The following TMX2 variants were observed in gnomAD, a reference collection of about 807,000 sequenced individuals.
TMX2 encodes the protein thioredoxin related transmembrane protein 2.
A neutral mutation model predicts 33.4 loss-of-function variants in TMX2; 20 were observed. The ratio of observed to expected loss-of-function variants is 0.60; its 90% CI spans 0.42 to 0.87. The LOEUF is 0.87. TMX2 is among the 40% of genes least tolerant of loss of function. The pLI is 0.00. For missense variants in TMX2, 340 were observed against 370.7 expected (o/e 0.92, Z 0.68); for synonymous variants, 166 against 140.7 (o/e 1.18, Z -1.27).
Position 57,731,142 on chromosome 11 carries a change from T to G in TMX2, c.190-6466T>G, listed in dbSNP as rs1253823460. 2.7e-4 allele frequency among the ~76,000 whole-genome samples: 38 copies of G among 140,946 alleles called. No homozygotes were observed. In the South Asian group the frequency reaches 4.4e-3, roughly 16 times the overall value. 92.5% of individuals were successfully genotyped at this position (140,946 alleles called of 152,430 possible). A position where few individuals can be genotyped will look rare whatever the true frequency, so the allele number is the denominator to read the frequency against. ...TGTTTTTTGTTTTTTTTTTTTTTTT[T>G]TTTTTTTTTTTGAGATCCAGTTTCA... On this transcript the variant is annotated intron_variant, in intron 1 of 7. Transcript: ENST00000278422.
chr11:57,738,184 T>C (rs1460041834), intron 3 of TMX2, 158 bp downstream of exon 3: 2 of 737,954 alleles, frequency 2.7e-6, no homozygotes, highest in East Asian at 2.5e-5. Context: ...GTAGCTCAGA[T>C]GATAACAGTT....
At chr11:57,738,257 G>A (rs112451175) in intron 3 of TMX2, 97 bp from the exon 4 acceptor site, 1 of 905,018 alleles carries the variant, frequency 1.1e-6, no homozygotes, top group Non-Finnish European at 1.8e-6. Flanking sequence ...CCACAAGTGT[G>A]TATTATTTGG....
intron 1 of TMX2, among the ~76,000 whole-genome samples, chr11:57,716,325 C>T (rs1336777129): frequency 1.5e-5 from 2 of 133,464 alleles, no homozygotes; most frequent in South Asian, 2.5e-4. Context: ...CCGGACGGGG[C>T]GGCTGGCCGG....
chr11:57,739,991 T>A (rs1474903332), intron 7 of TMX2, 108 bp from the exon 8 acceptor site: 5 of 1,517,126 alleles, frequency 3.3e-6, no homozygotes, highest in Non-Finnish European at 4.5e-6. Flanking sequence ...TTTTTGTCCT[T>A]TGCTTACTCC....
intron 1 of TMX2, among the ~76,000 whole-genome samples, chr11:57,729,220 G>A (rs1339537132): frequency 6.6e-5 from 10 of 152,122 alleles, no homozygotes; most frequent in Non-Finnish European, 4.4e-5. Flanking sequence ...ACCTCTACTT[G>A]CCAGAATTGA....
At chr11:57,719,030 TA>T (rs751837704) in intron 1 of TMX2, among the ~76,000 whole-genome samples, 2,173 of 109,466 alleles carry the variant, frequency 0.02, 51 homozygotes, top group African/African-American at 0.025. Context: ...CATATATATA[TA>T]TATTTTTTTT....
chr11:57,714,264 A>G (rs1206698449), intron 1 of TMX2, among the ~76,000 whole-genome samples: 1 of 152,250 alleles, frequency 6.6e-6, no homozygotes, highest in East Asian at 1.9e-4. Flanking sequence ...CAGTTCAATT[A>G]AATTGTTGTG....
intron 1 of TMX2, among the ~76,000 whole-genome samples, chr11:57,729,322 TG>T (rs1948204929): frequency 6.6e-6 from 1 of 152,160 alleles, no homozygotes; most frequent in Non-Finnish European, 1.5e-5. Context: ...TTCTAGGTTC[TG>T]TTTTTTTTTC....
intron 1 of TMX2, among the ~76,000 whole-genome samples, chr11:57,726,134 C>T (rs1947963576): frequency 1.3e-5 from 2 of 152,018 alleles, no homozygotes; most frequent in South Asian, 2.1e-4. Flanking sequence ...GTCAGTCTGC[C>T]GGGCGTGGTG....
chr11:57,715,619 G>A (rs1205038068), intron 1 of TMX2, among the ~76,000 whole-genome samples: 1 of 115,768 alleles, frequency 8.6e-6, no homozygotes, highest in Non-Finnish European at 1.7e-5. Flanking sequence ...ATTCTTGGGT[G>A]TTTCTCGCAG....
chr11:57,722,117 T>C (rs1187247259), intron 1 of TMX2, among the ~76,000 whole-genome samples: 2 of 152,152 alleles, frequency 1.3e-5, no homozygotes, highest in East Asian at 1.9e-4. Flanking sequence ...CACCTGAGCC[T>C]GTCAAGCAGA....
intron 1 of TMX2, among the ~76,000 whole-genome samples, chr11:57,717,072 G>T (rs1375900455): frequency 6.8e-6 from 1 of 146,978 alleles, no homozygotes; most frequent in Admixed American, 6.7e-5. Context: ...ACGGGGCGGC[G>T]GGGCAGAGGC....
intron 1 of TMX2, among the ~76,000 whole-genome samples, chr11:57,732,939 C>G (rs1449597432): frequency 6.6e-6 from 1 of 152,182 alleles, no homozygotes; most frequent in African/African-American, 2.4e-5. Context: ...AGATGGCCTA[C>G]TACACACCTA....
At chr11:57,733,247 A>ATTTTTTTTTTTT (rs71061537) in intron 1 of TMX2, among the ~76,000 whole-genome samples, 2 of 74,868 alleles carry the variant, frequency 2.7e-5, no homozygotes, top group Non-Finnish European at 4.9e-5. Flanking sequence ...ACAGTGAGGA[A>ATTTTTTTTTTTT]TTTTTTTTTT....
At chr11:57,727,086 T>G (rs1948053854) in intron 1 of TMX2, among the ~76,000 whole-genome samples, 1 of 152,168 alleles carries the variant, frequency 6.6e-6, no homozygotes, top group African/African-American at 2.4e-5. Flanking sequence ...GTAAATATTA[T>G]GCCAGATACA....
intron 1 of TMX2, among the ~76,000 whole-genome samples, chr11:57,729,760 C>T (rs370046571): frequency 6.6e-6 from 1 of 152,020 alleles, no homozygotes; most frequent in African/African-American, 2.4e-5. Context: ...TGTGTGTATA[C>T]AATATTTTCA....
chr11:57,735,578 C>G (rs1188206912), intron 1 of TMX2, among the ~76,000 whole-genome samples: 1 of 152,164 alleles, frequency 6.6e-6, no homozygotes, highest in East Asian at 1.9e-4. Flanking sequence ...GAAGCATAGC[C>G]TCCGCTCAGA....
At chr11:57,735,060 G>A (rs1483484382) in intron 1 of TMX2, among the ~76,000 whole-genome samples, 1 of 151,884 alleles carries the variant, frequency 6.6e-6, no homozygotes, top group African/African-American at 2.4e-5. Context: ...AACCTGGGAG[G>A]CGGAGGTTGC....
chr11:57,730,692 C>T (rs1448054739), intron 1 of TMX2, among the ~76,000 whole-genome samples: 1 of 152,120 alleles, frequency 6.6e-6, no homozygotes, highest in Non-Finnish European at 1.5e-5. Context: ...GAGCCGAGAT[C>T]GTACCATTGC....
Sources: allele counts gnomAD v4.1 joint callset (sites outside exome capture counted in the v4.1 genomes callset), GRCh38; gene constraint gnomAD v4.1.1; transcripts MANE v1.5; gene names NCBI Gene and HGNC (gene_info 2026-07-23, HGNC 2026-07-21).